The following DNER variants were observed in gnomAD, a reference collection of about 807,000 sequenced individuals.
The protein encoded by DNER is delta/notch like EGF repeat containing.
In DNER, 33 loss-of-function variants were observed where a neutral mutation model predicts 78.2. The observed-to-expected ratio is 0.42, with a 90% CI of 0.32 to 0.56. The LOEUF is 0.56. DNER is among the 20% of genes least tolerant of loss of function. DNER has a pLI of 0.11. For missense variants in DNER, 918 were observed against 975.3 expected (o/e 0.94, Z 0.78); for synonymous variants, 417 against 384.8 (o/e 1.08, Z -0.98).
intron 1 of DNER, among the ~76,000 whole-genome samples, chr2:229,669,611 C>T (rs1699173003): frequency 6.6e-6 from 1 of 152,020 alleles, no homozygotes; most frequent in South Asian, 2.1e-4. Context: ...TGTAGTTCTC[C>T]TTGAAGGGGT....
intron 9 of DNER, among the ~76,000 whole-genome samples, chr2:229,416,987 A>T (rs1194116929): frequency 6.6e-6 from 1 of 152,186 alleles, no homozygotes; most frequent in Non-Finnish European, 1.5e-5. Context: ...AAGGTAATAG[A>T]TAGATAGACT....
At chr2:229,437,093 T>C (rs1394397680) in intron 8 of DNER, among the ~76,000 whole-genome samples, 1 of 152,016 alleles carries the variant, frequency 6.6e-6, no homozygotes, top group Non-Finnish European at 1.5e-5. Flanking sequence ...AATAAACAGA[T>C]GGAGAAAAAT....
At chr2:229,646,453 G>A (rs971749438) in intron 1 of DNER, among the ~76,000 whole-genome samples, 10 of 152,212 alleles carry the variant, frequency 6.6e-5, no homozygotes, top group African/African-American at 2.2e-4. Flanking sequence ...ATTTGCATTT[G>A]TATTTTGCTG....
chr2:229,495,651 T>A (rs1398580320), intron 6 of DNER, among the ~76,000 whole-genome samples: 1 of 152,204 alleles, frequency 6.6e-6, no homozygotes, highest in Non-Finnish European at 1.5e-5. Flanking sequence ...ATTCTTTACA[T>A]AGTCTACCAA....
At chr2:229,668,530 GTGTGTGTATATATA>G (rs1430476974) in intron 1 of DNER, among the ~76,000 whole-genome samples, 33 of 5,498 alleles carry the variant, frequency 6.0e-3, no homozygotes, top group African/African-American at 9.6e-3. Context: ...GTGTGTGTGT[GTGTGTGTATATATA>G]TATATATATA....
chr2:229,468,944 G>A (rs982332079), intron 7 of DNER, among the ~76,000 whole-genome samples: 8 of 152,206 alleles, frequency 5.3e-5, no homozygotes, highest in Non-Finnish European at 1.2e-4. Flanking sequence ...GTAACCAGAT[G>A]AGATGAGAGC....
intron 1 of DNER, among the ~76,000 whole-genome samples, chr2:229,670,771 A>G (rs1186940788): frequency 6.6e-6 from 1 of 152,218 alleles, no homozygotes; most frequent in Non-Finnish European, 1.5e-5. Flanking sequence ...CCACCAGCCA[A>G]TGCAGCTACA....
intron 1 of DNER, among the ~76,000 whole-genome samples, chr2:229,706,424 G>A (rs1209609962): frequency 2.0e-5 from 3 of 150,882 alleles, no homozygotes; most frequent in South Asian, 2.1e-4. Context: ...TTAGCCGAAT[G>A]TGGTGGCACA....
At chr2:229,634,446 G>A (rs1392969047) in intron 1 of DNER, among the ~76,000 whole-genome samples, 1 of 152,132 alleles carries the variant, frequency 6.6e-6, no homozygotes, top group African/African-American at 2.4e-5. Context: ...TTTTTCTCAT[G>A]CAGTTACATT....
At chr2:229,543,779 G>A (rs1039160757) in intron 5 of DNER, among the ~76,000 whole-genome samples, 1 of 152,154 alleles carries the variant, frequency 6.6e-6, no homozygotes, top group Non-Finnish European at 1.5e-5. Flanking sequence ...CCATAGACAA[G>A]TCCTGCATAT....
At chr2:229,440,437 C>T (rs865832341) in intron 8 of DNER, among the ~76,000 whole-genome samples, 22 of 152,222 alleles carry the variant, frequency 1.4e-4, no homozygotes, top group African/African-American at 5.3e-4. Flanking sequence ...TGCAACCTCC[C>T]GACCTCCCAA....
chr2:229,373,208 C>A (rs1692526179), intron 11 of DNER, among the ~76,000 whole-genome samples: 1 of 152,140 alleles, frequency 6.6e-6, no homozygotes, highest in South Asian at 2.1e-4. Flanking sequence ...CAAGAAAGGT[C>A]TAATACCCAG....
In DNER at chr2:229,714,174, C is replaced by T; in HGVS notation, c.250G>A (p.Ala84Thr). The change falls in exon 1 of 13, where the codon GCC becomes ACC. Residue 84 changes from alanine to threonine, a missense_variant. Ala to Thr is a moderately conservative substitution (Grantham distance 58, BLOSUM62 0). Transcript: ENST00000341772. ...TGGCAGTTGGCGCCGGAGATCCCGG[C>T]GGGGCAGGTGCAGCTGTAGCCAGGC... ...GEPGYSCTCP[A>T]GISGANCQLV... 2 of 1,330,554 alleles carry T rather than the reference C, an allele frequency of 1.5e-6. No individual in the cohort carries two copies. Among genetic ancestry groups the T allele is most frequent in the East Asian group, 3.1e-5 (1 of 32,386 alleles). The allele number at this position is 1,330,554 out of a possible 1,614,324, so 82.4% of individuals were successfully genotyped here. A position where few individuals can be genotyped will look rare whatever the true frequency, so the allele number is the denominator to read the frequency against.
intron 1 of DNER, among the ~76,000 whole-genome samples, chr2:229,704,942 C>A (rs535345973): frequency 4.4e-4 from 67 of 152,346 alleles, no homozygotes; most frequent in African/African-American, 1.3e-3. Context: ...AAGTAATATA[C>A]CTCGGACATA....
rs139616890 is a variant in DNER, at chr2:229,358,606, G to T, written c.2148C>A (p.Ile716=). ...CATCAGGACTGTAATCTTCATAGGC[G>T]ATGGGGCTCACATCATACATTGCAG... ...SRPAMYDVSP[I]AYEDYSPDDK... is the part of the protein sequence containing the mutation. The change falls in exon 13 of 13, where the codon ATC becomes ATA. Residue 716 remains isoleucine, a synonymous_variant. Transcript: ENST00000341772. 5.6e-6 allele frequency: 9 copies of T among 1,613,810 alleles called. No homozygotes were observed. Among genetic ancestry groups the T allele is most frequent in the African/African-American group, 1.3e-5 (1 of 74,994 alleles).
chr2:229,713,865 G>A (rs1030518623), intron 1 of DNER, among the ~76,000 whole-genome samples: 1 of 152,120 alleles, frequency 6.6e-6, no homozygotes, highest in Non-Finnish European at 1.5e-5. Flanking sequence ...CCACTCAGTG[G>A]CCAACCGGAG....
At chr2:229,683,055 A>T (rs1389444945) in intron 1 of DNER, among the ~76,000 whole-genome samples, 1 of 152,250 alleles carries the variant, frequency 6.6e-6, no homozygotes, top group Non-Finnish European at 1.5e-5. Flanking sequence ...TTATAATTTA[A>T]TAGCATAAAG....
intron 4 of DNER, among the ~76,000 whole-genome samples, chr2:229,560,366 T>C (rs562774092): frequency 7.6e-4 from 115 of 152,302 alleles, no homozygotes; most frequent in South Asian, 3.7e-3. Flanking sequence ...CAACAAGTCA[T>C]TTGGCACAAA....
chr2:229,535,309 G>A (rs1047212736), intron 5 of DNER, among the ~76,000 whole-genome samples: 35 of 152,098 alleles, frequency 2.3e-4, no homozygotes, highest in African/African-American at 8.0e-4. Context: ...TAAATAAAAC[G>A]ACTAACAGTA....
Sources: gnomAD v4.1 joint callset for allele counts (sites outside exome capture counted in the v4.1 genomes callset) on GRCh38, gnomAD v4.1.1 for gene constraint, MANE v1.5 for transcripts, NCBI Gene and HGNC (gene_info 2026-07-23, HGNC 2026-07-21) for gene names.